Variants in MIA2 observed in about 807,000 individuals in gnomAD.
The protein encoded by MIA2 is melanoma inhibitory activity protein 2.
Under a neutral mutation model 167.8 loss-of-function variants are expected in MIA2, and 127 were observed. The ratio of observed to expected loss-of-function variants is 0.76; its 90% CI spans 0.66 to 0.88. The LOEUF is 0.88. MIA2 is among the 40% of genes least tolerant of loss of function. The pLI is 0.00. For missense variants in MIA2, 1,690 were observed against 1,624.7 expected, an observed-to-expected ratio of 1.04 and a Z score of -0.69; for synonymous variants, 552 against 541.9, an observed-to-expected ratio of 1.02 and a Z score of -0.26.
At chr14:39,338,275 A>C (rs1222565905) in intron 25 of MIA2, among the ~76,000 whole-genome samples, 2 of 152,236 alleles carry the variant, frequency 1.3e-5, no homozygotes, top group Admixed American at 6.5e-5. Flanking sequence ...AATACACTAT[A>C]GTTATGAAAG....
intron 14 of MIA2, among the ~76,000 whole-genome samples, chr14:39,301,243 T>C (rs1210209176): frequency 6.6e-6 from 1 of 152,138 alleles, no homozygotes; most frequent in Non-Finnish European, 1.5e-5. Context: ...TTTGTATTTT[T>C]AGTAAAGACG....
chr14:39,334,811 A>G (rs1369527773), intron 25 of MIA2, among the ~76,000 whole-genome samples: 2 of 152,084 alleles, frequency 1.3e-5, no homozygotes, highest in African/African-American at 2.4e-5. Flanking sequence ...CAGGTGATCC[A>G]CCTGCCTTGG....
At chr14:39,318,064 T>G in intron 22 of MIA2, 53 bp downstream of exon 22, 2 of 1,308,438 alleles carry the variant, frequency 1.5e-6, no homozygotes, top group South Asian at 2.7e-5. Flanking sequence ...ATTTCGTTAA[T>G]TAGGTAATAC....
intron 6 of MIA2, among the ~76,000 whole-genome samples, chr14:39,260,559 A>AT (rs1245251164): frequency 1.3e-5 from 2 of 151,946 alleles, no homozygotes; most frequent in Non-Finnish European, 2.9e-5. Context: ...AAATGGTTTG[A>AT]TTTTTTCTTG....
At chr14:39,243,853 G>A (rs8011402) in intron 3 of MIA2, among the ~76,000 whole-genome samples, 1 of 152,136 alleles carries the variant, frequency 6.6e-6, no homozygotes, top group South Asian at 2.1e-4. Flanking sequence ...GCAACAGAAC[G>A]AGACTCCATC....
intron 15 of MIA2, among the ~76,000 whole-genome samples, chr14:39,302,892 G>C (rs1483248508): frequency 1.3e-5 from 2 of 152,082 alleles, no homozygotes; most frequent in South Asian, 2.1e-4. Context: ...CCCAGTGGCA[G>C]TTCTTCAGAC....
In MIA2 at chr14:39,314,814, G is replaced by GTGTGC; in HGVS notation, c.3180+19_3180+20insCTGTG. 1 of 1,118,672 alleles carries GTGTGC rather than the reference G, an allele frequency of 8.9e-7. No individual in the cohort carries two copies. The highest frequency in any genetic ancestry group is 1.2e-6 in the Non-Finnish European group (1 of 801,324). The allele number at this position is 1,118,672 out of a possible 1,614,324, so 69.3% of individuals were successfully genotyped here. On this transcript the variant is annotated intron_variant, in intron 20 of 28. Transcript: ENST00000640607. ...ATCAAGGGCAGGTATATATATATGT[G>GTGTGC]TGTGTGTGTGTGTGTGTGTGTGTAT...
chr14:39,365,745 T>G (rs2074809447), intron 23 of MIA2, among the ~76,000 whole-genome samples: 1 of 152,176 alleles, frequency 6.6e-6, no homozygotes, highest in Non-Finnish European at 1.5e-5. Context: ...TTCTTTGTAT[T>G]GTTCATCTGT....
chr14:39,264,716 C>A (rs1378592526), intron 6 of MIA2, among the ~76,000 whole-genome samples: 1 of 152,116 alleles, frequency 6.6e-6, no homozygotes, highest in Non-Finnish European at 1.5e-5. Flanking sequence ...TGATTTTCTT[C>A]CAAAAGAGTA....
chr14:39,276,687 C>T (rs536096175), intron 6 of MIA2: 6 of 396,406 alleles, frequency 1.5e-5, no homozygotes, highest in Non-Finnish European at 2.3e-5. Context: ...CTCTTATTCT[C>T]ATCCTTGGAA....
downstream of MIA2, among the ~76,000 whole-genome samples, chr14:39,354,355 A>G (rs1166194590): frequency 1.3e-5 from 2 of 152,088 alleles, no homozygotes; most frequent in African/African-American, 4.8e-5. Context: ...AGGCTGCATA[A>G]ATGTCTTCTT....
rs564067367 is a variant in MIA2 at position 39,275,608 on chromosome 14, T to TG, written c.1888-1326_1888-1325insG. 3.1e-3 allele frequency among the ~76,000 whole-genome samples: 476 copies of TG among 152,358 alleles called. 3 individuals are homozygous for TG. Among genetic ancestry groups the TG allele is most frequent in the South Asian group, 0.018 (86 of 4,826 alleles). On this transcript the variant is annotated intron_variant, in intron 6 of 28. Coordinates refer to ENST00000640607, the MANE Select transcript of MIA2 (RefSeq NM_001329214.4). ...GTCATAGGTCATATTGATTACACAATTTTTGAGTTAGTGTGCGTCTTATGT... is the reference window on the plus strand; with the variant it reads ...GTCATAGGTCATATTGATTACACAATGTTTTGAGTTAGTGTGCGTCTTATGT...
rs1318608833 is a variant in MIA2 at position 39,235,848 on chromosome 14, T to C, written c.116-1074T>C. Among the ~76,000 whole-genome samples the C allele has an allele frequency of 2.0e-5, 3 of 152,114 alleles. No homozygotes were observed. In the East Asian group the frequency reaches 5.8e-4, roughly 29 times the overall value. The stretch of plus-strand genomic sequence containing the variant: ...TATTACAACTTCATTTTAGTTTCCT[T>C]AGGGCCAGATATAGAACATGAAAAG... On this transcript the variant is annotated intron_variant, in intron 1 of 28. Coordinates refer to ENST00000640607, the MANE Select transcript of MIA2 (RefSeq NM_001329214.4).
intron 24 of MIA2, among the ~76,000 whole-genome samples, chr14:39,321,464 C>T (rs2066420293): frequency 6.6e-6 from 1 of 151,848 alleles, no homozygotes; most frequent in Admixed American, 6.6e-5. Flanking sequence ...CAGGCGCCCG[C>T]CACCATGCCC....
rs774560829 is a variant in MIA2, at chr14:39,314,834, GTGTATA to G, written c.3180+37_3180+42del. On this transcript the variant is annotated intron_variant, in intron 20 of 28. Coordinates refer to ENST00000640607, the MANE Select transcript of MIA2 (RefSeq NM_001329214.4). ...TATGTGTGTGTGTGTGTGTGTGTGT[GTGTATA>G]TATATATAATTTAAAACAATTCTGA... is the stretch of plus-strand genomic sequence containing the variant. 1.4e-4 allele frequency: 184 copies of G among 1,280,120 alleles called. 1 individual carries two copies. The highest frequency in any genetic ancestry group is 2.4e-4 in the Admixed American group (10 of 41,588). The allele number at this position is 1,280,120 out of a possible 1,614,324, so 79.3% of individuals were successfully genotyped here.
chr14:39,321,265 T>G (rs896141526), intron 24 of MIA2, among the ~76,000 whole-genome samples: 2 of 152,270 alleles, frequency 1.3e-5, no homozygotes, highest in South Asian at 2.1e-4. Context: ...TTAGATAACA[T>G]TTTGATCAAG....
At chr14:39,303,695 G>T (rs1425952184) in intron 16 of MIA2, among the ~76,000 whole-genome samples, 171 bp downstream of exon 16, 1 of 151,776 alleles carries the variant, frequency 6.6e-6, no homozygotes, top group African/African-American at 2.4e-5. Context: ...ATTAACTTTA[G>T]AAATTTATAT....
chr14:39,266,985 A>C (rs2055834908), intron 6 of MIA2: 2 of 780,448 alleles, frequency 2.6e-6, no homozygotes, highest in Non-Finnish European at 3.1e-6. Context: ...ATGAGGCCGA[A>C]TCTCATCCTC....
intron 18 of MIA2, among the ~76,000 whole-genome samples, chr14:39,310,111 A>G (rs538764876): frequency 1.3e-5 from 2 of 152,178 alleles, no homozygotes; most frequent in Non-Finnish European, 2.9e-5. Flanking sequence ...AGTACATGCA[A>G]AGCTTTTGTA....
Sources: allele counts gnomAD v4.1 joint callset (sites outside exome capture counted in the v4.1 genomes callset), GRCh38; gene constraint gnomAD v4.1.1; transcripts MANE v1.5; gene names NCBI Gene and HGNC (gene_info 2026-07-23, HGNC 2026-07-21).